The following TAF8 variants were observed in gnomAD, a reference collection of about 807,000 sequenced individuals.
The protein encoded by TAF8 is transcription initiation factor TFIID subunit 8.
In TAF8, 47 loss-of-function variants were observed where a neutral mutation model predicts 36.5. The observed-to-expected ratio is 1.29, with a 90% CI of 1.02 to 1.64. The LOEUF (loss-of-function observed/expected upper bound fraction) is 1.64. Ranked by LOEUF, TAF8 falls within the 40% of genes most tolerant of loss-of-function variation. The probability of loss-of-function intolerance (pLI) is 0.00; values close to 1 mark genes in which losing one functional copy is unlikely to be tolerated. For missense variants in TAF8, 420 were observed against 407.6 expected (o/e 1.03, Z -0.26); for synonymous variants, 175 against 159.5 (o/e 1.10, Z -0.73).
chr6:42,079,747 T>G lies in TAF8; in HGVS notation c.*2202T>G. ...TTTTTTTTTTTTAGTAGACACGGGA[T>G]TTTGCTATGTTGCCCAGGCTGGTCT... On this transcript the variant is annotated 3_prime_UTR_variant, in exon 9 of 9. Coordinates refer to ENST00000372977, the MANE Select transcript of TAF8 (RefSeq NM_138572.3). 1.5e-6 allele frequency: 1 copy of G among 669,102 alleles called. No individual in the cohort carries two copies. The highest frequency in any genetic ancestry group is 1.8e-6 in the Non-Finnish European group (1 of 541,888). 41.4% of individuals were successfully genotyped at this position (669,102 alleles called of 1,614,324 possible). A position where few individuals can be genotyped will look rare whatever the true frequency, so the allele number is the denominator to read the frequency against.
intron 5 of TAF8, chr6:42,063,187 G>T (rs896074763): frequency 2.6e-5 from 4 of 151,848 alleles, no homozygotes; most frequent in Non-Finnish European, 4.4e-5. Context: ...TTGAAACAGG[G>T]TCTCACTTTG....
At chr6:42,057,667 C>A in intron 5 of TAF8, 154 bp downstream of exon 5, 1 of 1,016,418 alleles carries the variant, frequency 9.8e-7, no homozygotes, top group African/African-American at 1.6e-5. Flanking sequence ...CACCTGTAAT[C>A]CCAGCATTTT....
chr6:42,077,576 C>T lies in TAF8; in HGVS notation c.*31C>T, dbSNP rs370707818. 1.8e-5 allele frequency: 29 copies of T among 1,611,270 alleles called. No individual in the cohort carries two copies. Among genetic ancestry groups the T allele is most frequent in the Admixed American group, 5.0e-5 (3 of 59,588 alleles). ...GAAGGAAACCTGGCTTGTACAGGGG[C>T]GCAGATTCCACCCTCCCGGGGAGTT... On this transcript the variant is annotated 3_prime_UTR_variant, in exon 9 of 9. Transcript: ENST00000372977.
rs1765954213 is a variant in TAF8 at position 42,082,547 on chromosome 6, C to G, written c.*5002C>G. ...AGAGATGGGGTTTCACCATGTTGGC[C>G]AGGTTGGTCTCCAACTCCTGACCTC... On this transcript the variant is annotated 3_prime_UTR_variant, in exon 9 of 9. Coordinates refer to ENST00000372977, the MANE Select transcript of TAF8 (RefSeq NM_138572.3). 6.6e-6 allele frequency: 1 copy of G among 152,242 alleles called. No individual in the cohort carries two copies. Among genetic ancestry groups the G allele is most frequent in the Non-Finnish European group, 1.5e-5 (1 of 68,082 alleles). The allele number at this position is 152,242 out of a possible 1,614,324, so 9.4% of individuals were successfully genotyped here. A position where few individuals can be genotyped will look rare whatever the true frequency, so the allele number is the denominator to read the frequency against.
At chr6:42,060,015 C>G (rs1765137868) in intron 5 of TAF8, among the ~76,000 whole-genome samples, 1 of 152,198 alleles carries the variant, frequency 6.6e-6, no homozygotes, top group African/African-American at 2.4e-5. Context: ...TGAGTGTACT[C>G]ATGCAGGCCT....
At position 42,079,175 on chromosome 6, in the gene TAF8, G is replaced by A; in HGVS notation, c.*1630G>A. 2 of 985,274 alleles carry A rather than the reference G, an allele frequency of 2.0e-6. No homozygotes were observed. The highest frequency in any genetic ancestry group is 2.4e-6 in the Non-Finnish European group (2 of 829,726). The allele number at this position is 985,274 out of a possible 1,614,324, so 61.0% of individuals were successfully genotyped here. A position where few individuals can be genotyped will look rare whatever the true frequency, so the allele number is the denominator to read the frequency against. Reference sequence around the variant, plus strand: ...AATAGGAAAGGATTTGGTGGGGTGAGGGTGGGGTGTTGAGGGCTGGGCCTC... The same window carrying A: ...AATAGGAAAGGATTTGGTGGGGTGAAGGTGGGGTGTTGAGGGCTGGGCCTC... On this transcript the variant is annotated 3_prime_UTR_variant, in exon 9 of 9. Coordinates refer to ENST00000372977, the MANE Select transcript of TAF8 (RefSeq NM_138572.3).
rs1001236444 is a variant in TAF8, at chr6:42,080,251, T to C, written c.*2706T>C. 4 of 983,804 alleles carry C rather than the reference T, an allele frequency of 4.1e-6. No homozygotes were observed. In the African/African-American group the frequency reaches 7.2e-5, roughly 18 times the overall value. 60.9% of individuals were successfully genotyped at this position (983,804 alleles called of 1,614,324 possible). A position where few individuals can be genotyped will look rare whatever the true frequency, so the allele number is the denominator to read the frequency against. The stretch of plus-strand genomic sequence containing the variant: ...TCAGTGTTTCTGCAGCTTCCATTTG[T>C]TGTTGTTATCCAGTGTAAGCACCTG... On this transcript the variant is annotated 3_prime_UTR_variant, in exon 9 of 9. Transcript: ENST00000372977.
Position 42,077,007 on chromosome 6 carries a change from C to T in TAF8, c.781-93C>T. 4 of 1,425,748 alleles carry T rather than the reference C, an allele frequency of 2.8e-6. No individual in the cohort carries two copies. In the South Asian group the frequency reaches 5.6e-5, roughly 20 times the overall value. The allele number at this position is 1,425,748 out of a possible 1,614,324, so 88.3% of individuals were successfully genotyped here. ...AGGTGCTTCCCAGGTTCTAATTTCT[C>T]AATTAGAGGATGCTAATGGTCATTC... On this transcript the variant is annotated intron_variant, in intron 7 of 8. Coordinates refer to ENST00000372977, the MANE Select transcript of TAF8 (RefSeq NM_138572.3).
intron 7 of TAF8, among the ~76,000 whole-genome samples, chr6:42,074,289 C>G (rs1765677988): frequency 6.6e-6 from 1 of 152,252 alleles, no homozygotes; most frequent in Non-Finnish European, 1.5e-5. Flanking sequence ...GAACTGCCTA[C>G]CTGATACCCC....
chr6:42,066,272 C>T (rs145038807), intron 5 of TAF8, 40 bp from the exon 6 acceptor site: 2 of 1,608,438 alleles, frequency 1.2e-6, no homozygotes, highest in Non-Finnish European at 1.7e-6. Context: ...CAGAATGATA[C>T]TTCGGCATCA....
chr6:42,062,025 A>G (rs915977556), intron 5 of TAF8, among the ~76,000 whole-genome samples: 1 of 152,180 alleles, frequency 6.6e-6, no homozygotes, highest in Non-Finnish European at 1.5e-5. Flanking sequence ...CATGAGGCCA[A>G]CTGAATCTGT....
At chr6:42,070,850 C>T (rs1350324249) in intron 7 of TAF8, among the ~76,000 whole-genome samples, 4 of 152,034 alleles carry the variant, frequency 2.6e-5, no homozygotes, top group South Asian at 2.1e-4. Context: ...GGGATGGGCC[C>T]GTGACCAAAT....
Position 42,081,871 on chromosome 6 carries a change from A to G in TAF8, c.*4326A>G, listed in dbSNP as rs1297768878. On this transcript the variant is annotated 3_prime_UTR_variant, in exon 9 of 9. Coordinates refer to ENST00000372977, the MANE Select transcript of TAF8 (RefSeq NM_138572.3). ...ATTTAATCTAAATGTGTCTATACGTATCTCTGATTGATCTTTCTTTAAATT... is the reference window on the plus strand; with the variant it reads ...ATTTAATCTAAATGTGTCTATACGTGTCTCTGATTGATCTTTCTTTAAATT... 1 of 152,218 alleles carries G rather than the reference A, an allele frequency of 6.6e-6. No individual in the cohort carries two copies. The highest frequency in any genetic ancestry group is 2.4e-5 in the African/African-American group (1 of 41,444). The allele number at this position is 152,218 out of a possible 1,614,324, so 9.4% of individuals were successfully genotyped here.
intron 5 of TAF8, chr6:42,063,157 C>A (rs1057319943): frequency 6.6e-6 from 1 of 152,090 alleles, no homozygotes; most frequent in African/African-American, 2.4e-5. Flanking sequence ...ATAGTATATC[C>A]CTATCTGTAA....
intron 1 of TAF8, chr6:42,051,050 T>G (rs745734993): frequency 9.1e-7 from 1 of 1,100,882 alleles, no homozygotes; most frequent in Non-Finnish European, 1.1e-6. Context: ...GGACACGTCT[T>G]AATCCCATCA....
At chr6:42,071,651 T>C (rs1765582153) in intron 7 of TAF8, among the ~76,000 whole-genome samples, 1 of 151,874 alleles carries the variant, frequency 6.6e-6, no homozygotes, top group Admixed American at 6.6e-5. Context: ...TTTTTAAATA[T>C]TGAATTATTC....
Position 42,068,613 on chromosome 6 carries a change from T to C in TAF8, c.780+6T>C, listed in dbSNP as rs1562017204. On this transcript the variant is annotated splice_donor_region_variant and intron_variant, in intron 7 of 8. Coordinates refer to ENST00000372977, the MANE Select transcript of TAF8 (RefSeq NM_138572.3). ...TTGCTCTTCATATCAGCATGGTGGG[T>C]TCCACCTTCTGCCTACCTCAGAGTA... The C allele has an allele frequency of 3.1e-6, 5 of 1,611,692 alleles. No homozygotes were observed. The East Asian group carries it at 6.7e-5, about 22-fold the overall frequency.
chr6:42,072,960 T>G (rs1290345668), intron 7 of TAF8, among the ~76,000 whole-genome samples: 1 of 151,854 alleles, frequency 6.6e-6, no homozygotes, highest in Non-Finnish European at 1.5e-5. Flanking sequence ...CCCGACCTCG[T>G]GATCCGCCCG....
intron 7 of TAF8, among the ~76,000 whole-genome samples, chr6:42,070,934 G>A (rs771741842): frequency 1.1e-3 from 173 of 152,220 alleles, no homozygotes; most frequent in Non-Finnish European, 1.8e-3. Context: ...GACAAAGGTG[G>A]GCAAGGAGGT....
Sources: gnomAD v4.1 joint callset for allele counts (sites outside exome capture counted in the v4.1 genomes callset) on GRCh38, gnomAD v4.1.1 for gene constraint, MANE v1.5 for transcripts, NCBI Gene and HGNC (gene_info 2026-07-23, HGNC 2026-07-21) for gene names.